Variants in CERS4 observed in about 807,000 individuals in gnomAD.
CERS4 encodes LAG1 homolog, ceramide synthase 4.
Under a neutral mutation model 51.8 loss-of-function variants are expected in CERS4, and 65 were observed. The ratio of observed to expected loss-of-function variants is 1.26; its 90% CI spans 1.03 to 1.54. CERS4 has a LOEUF of 1.54. Ranked by LOEUF, CERS4 falls within the 40% of genes most tolerant of loss-of-function variation. The pLI, the probability that CERS4 is intolerant of heterozygous loss-of-function variation, is 0.00. For synonymous variants in CERS4, 228 were observed against 208.4 expected, an observed-to-expected ratio of 1.09 and a Z score of -0.81; for missense variants, 563 against 500.4, an observed-to-expected ratio of 1.13 and a Z score of -1.19.
At chr19:8,233,847 TACAA>T (rs983535220) in intron 2 of CERS4, among the ~76,000 whole-genome samples, 27 of 151,578 alleles carry the variant, frequency 1.8e-4, no homozygotes, top group African/African-American at 5.1e-4. Flanking sequence ...ATCCTGTCTC[TACAA>T]ACAAACAAAA....
chr19:8,244,969 C>G (rs1357650633), intron 2 of CERS4, among the ~76,000 whole-genome samples: 1 of 151,900 alleles, frequency 6.6e-6, no homozygotes, highest in East Asian at 2.0e-4. Flanking sequence ...ATGGTGAAAC[C>G]CTGTCTCTAC....
chr19:8,244,657 T>TG (rs746893312), intron 2 of CERS4, among the ~76,000 whole-genome samples: 5 of 152,110 alleles, frequency 3.3e-5, no homozygotes, highest in African/African-American at 7.2e-5. Flanking sequence ...ACGCCCTGCA[T>TG]GGCAACCAAC....
chr19:8,221,448 G>T (rs1006332954), intron 2 of CERS4, among the ~76,000 whole-genome samples: 1 of 152,072 alleles, frequency 6.6e-6, no homozygotes, highest in Non-Finnish European at 1.5e-5. Flanking sequence ...TGCCAATGCT[G>T]GCTTGCTCTT....
At chr19:8,256,101 T>A in intron 6 of CERS4, 135 bp from the exon 7 acceptor site, 1 of 1,056,376 alleles carries the variant, frequency 9.5e-7, no homozygotes, top group Non-Finnish European at 1.4e-6. Context: ...CAGTCGAGAG[T>A]GAGAAGCAGG....
In CERS4 at chr19:8,218,161, C is replaced by T. The variant is rs190880958; in HGVS notation, c.-2+7299C>T. Among the ~76,000 whole-genome samples the T allele has an allele frequency of 1.7e-4, 26 of 152,124 alleles. No individual in the cohort carries two copies. In the East Asian group the frequency reaches 3.9e-3, roughly 23 times the overall value. ...TGTATTTTTAGTAGAGATGAGGTTT[C>T]ACCATATTGGCCAGGCTGGTCTTGA... On this transcript the variant is annotated intron_variant, in intron 2 of 11. Transcript: ENST00000251363.
At chr19:8,252,721 G>A (rs1252714258) in intron 3 of CERS4, among the ~76,000 whole-genome samples, 2 of 152,296 alleles carry the variant, frequency 1.3e-5, no homozygotes, top group Admixed American at 1.3e-4. Flanking sequence ...TTACAGGCAA[G>A]TGACACCACA....
intron 2 of CERS4, among the ~76,000 whole-genome samples, chr19:8,234,700 C>T (rs921288123): frequency 2.0e-5 from 3 of 147,828 alleles, no homozygotes; most frequent in South Asian, 2.1e-4. Context: ...ATTACAGGCA[C>T]GCATCACTAT....
In CERS4 at chr19:8,257,992, C is replaced by T. The variant is rs369428903; in HGVS notation, c.848+7C>T. ...TGGTCCTCTTTCCCACCCAGTGAGT[C>T]AGCCCTCCCATGGGGGTCAGGGAGG... is the stretch of plus-strand genomic sequence containing the variant. On this transcript the variant is annotated splice_region_variant and intron_variant, in intron 10 of 11. Coordinates refer to ENST00000251363, the MANE Select transcript of CERS4 (RefSeq NM_024552.3). 1.2e-6 allele frequency: 2 copies of T among 1,607,634 alleles called. No homozygotes were observed. The highest frequency in any genetic ancestry group is 1.7e-6 in the Non-Finnish European group (2 of 1,174,496).
At chr19:8,251,714 G>C (rs560187705) in intron 3 of CERS4, among the ~76,000 whole-genome samples, 2 of 151,964 alleles carry the variant, frequency 1.3e-5, no homozygotes, top group Non-Finnish European at 2.9e-5. Context: ...TGAGGCAGGA[G>C]AATCGCCTGA....
chr19:8,250,881 G>A (rs933491473), intron 2 of CERS4, 195 bp from the exon 3 acceptor site: 58 of 1,413,400 alleles, frequency 4.1e-5, no homozygotes, highest in Non-Finnish European at 4.8e-5. Flanking sequence ...GAATGAAGTG[G>A]TGGCTCTTCT....
chr19:8,231,851 A>ATCTTTTT (rs1968019354), intron 2 of CERS4, among the ~76,000 whole-genome samples: 1 of 104,424 alleles, frequency 9.6e-6, no homozygotes, highest in Non-Finnish European at 1.8e-5. Context: ...TGTGCCCAGC[A>ATCTTTTT]TTTTTTTTTT....
chr19:8,247,981 GCTT>G (rs1968865499), intron 2 of CERS4, among the ~76,000 whole-genome samples: 1 of 151,884 alleles, frequency 6.6e-6, no homozygotes, highest in Non-Finnish European at 1.5e-5. Flanking sequence ...TGATCCACCC[GCTT>G]CAGCCTCCCA....
rs1230972867 is a variant in CERS4 at position 8,257,895 on chromosome 19, A to G, written c.758A>G (p.Asn253Ser). 14 of 1,613,624 alleles carry G rather than the reference A, an allele frequency of 8.7e-6. No homozygotes were observed. The highest frequency in any genetic ancestry group is 1.6e-4 in the Middle Eastern group (1 of 6,082). Residue 253 changes from asparagine (N) to serine (S), a missense_variant, in exon 10 of 12, where the codon AAC becomes AGC. By Grantham distance (46) the Asn-to-Ser change is conservative. Transcript: ENST00000251363. ...DYLLEACKMV[N>S]YMQYQQVCDA... ...CCTTTCCAGGCCTGTAAGATGGTCA[A>G]CTACATGCAGTATCAGCAAGTGTGC...
intron 2 of CERS4, among the ~76,000 whole-genome samples, chr19:8,245,690 C>T (rs927094458): frequency 1.3e-5 from 2 of 151,806 alleles, no homozygotes; most frequent in South Asian, 4.2e-4. Context: ...CAGGTGCCCA[C>T]CACCACCCCT....
chr19:8,239,720 G>A (rs773730150), intron 2 of CERS4: 1 of 150,530 alleles, frequency 6.6e-6, no homozygotes, highest in Admixed American at 6.7e-5. Context: ...AATGTTTATG[G>A]AGATCAAGCC....
chr19:8,253,559 A>C (rs1211084111), intron 3 of CERS4, among the ~76,000 whole-genome samples: 3 of 145,464 alleles, frequency 2.1e-5, no homozygotes, highest in Non-Finnish European at 4.4e-5. Flanking sequence ...TCCTGGGTTC[A>C]CACCATTCTC....
intron 6 of CERS4, 82 bp from the exon 7 acceptor site, chr19:8,256,137 CATCTATGTGACTGTGGA>C: frequency 7.8e-7 from 1 of 1,275,392 alleles, no homozygotes; most frequent in Non-Finnish European, 1.1e-6. Context: ...GTGAAGGTAG[CATCTATGTGACTGTGGA>C]AGGAGAACCA....
chr19:8,251,531 G>A (rs1969080151), intron 3 of CERS4, among the ~76,000 whole-genome samples: 1 of 152,224 alleles, frequency 6.6e-6, no homozygotes, highest in Admixed American at 6.5e-5. Flanking sequence ...GGGATGGGAG[G>A]CCGGGCACGG....
intron 2 of CERS4, among the ~76,000 whole-genome samples, chr19:8,232,092 A>G (rs1421837410): frequency 6.6e-6 from 1 of 151,206 alleles, no homozygotes; most frequent in Non-Finnish European, 1.5e-5. Flanking sequence ...AGCCTCCCGA[A>G]GCAGTGGAAT....
Sources: gnomAD v4.1 joint callset for allele counts (sites outside exome capture counted in the v4.1 genomes callset) on GRCh38, gnomAD v4.1.1 for gene constraint, MANE v1.5 for transcripts, NCBI Gene and HGNC (gene_info 2026-07-23, HGNC 2026-07-21) for gene names.